SRARP: variants seen among roughly 807,000 people sequenced by gnomAD.
SRARP encodes the protein steroid receptor-associated and regulated protein.
A neutral mutation model predicts 3.6 loss-of-function variants in SRARP; 5 were observed. The ratio of observed to expected loss-of-function variants is 1.39; its 90% CI spans 0.73 to 2.93. The LOEUF is 2.93. SRARP is among the 30% of genes most tolerant of loss of function. SRARP has a pLI of 0.00. For synonymous variants in SRARP, 96 were observed against 91.6 expected, an observed-to-expected ratio of 1.05 and a Z score of -0.27; for missense variants, 215 against 216.7, an observed-to-expected ratio of 0.99 and a Z score of 0.05.
chr1:16,004,302 G>T lies in SRARP; in HGVS notation c.-2G>T, dbSNP rs777134410. Reference sequence around the variant, plus strand: ...GAGCTAGGCAGGCGCCGAAGTAGCCGCATGGCCCCGTCAGAAGACCCCAGG... The same window carrying T: ...GAGCTAGGCAGGCGCCGAAGTAGCCTCATGGCCCCGTCAGAAGACCCCAGG... On this transcript the variant is annotated 5_prime_UTR_variant, in exon 1 of 2. Coordinates refer to ENST00000329454, the MANE Select transcript of SRARP (RefSeq NM_178840.4). 1.9e-5 allele frequency: 30 copies of T among 1,596,418 alleles called. No individual in the cohort carries two copies. The highest frequency in any genetic ancestry group is 4.5e-5 in the East Asian group (2 of 44,214).
intron 1 of SRARP, 29 bp downstream of exon 1, chr1:16,004,414 C>G (rs770147819): frequency 1.3e-5 from 20 of 1,548,284 alleles, no homozygotes; most frequent in Non-Finnish European, 1.7e-5. Context: ...ACCCCAGCCC[C>G]ACAGAAACAC....
chr1:16,006,594 G>T lies in SRARP; in HGVS notation c.*248G>T. 2 of 432,954 alleles carry T rather than the reference G, an allele frequency of 4.6e-6. No homozygotes were observed. Among genetic ancestry groups the T allele is most frequent in the African/African-American group, 2.0e-5 (1 of 50,022 alleles). The allele number at this position is 432,954 out of a possible 1,614,324, so 26.8% of individuals were successfully genotyped here. A position where few individuals can be genotyped will look rare whatever the true frequency, so the allele number is the denominator to read the frequency against. ...GCCAGGCCCTGCAAAGTGCTGGGGAGATACCATGGTTTTCCTGGAGCTGGT... is the reference window on the plus strand; with the variant it reads ...GCCAGGCCCTGCAAAGTGCTGGGGATATACCATGGTTTTCCTGGAGCTGGT... On this transcript the variant is annotated 3_prime_UTR_variant, in exon 2 of 2. Coordinates refer to ENST00000329454, the MANE Select transcript of SRARP (RefSeq NM_178840.4).
chr1:16,004,364 A>T lies in SRARP; in HGVS notation c.61A>T (p.Thr21Ser). 6.2e-7 allele frequency: 1 copy of T among 1,608,344 alleles called. No individual in the cohort carries two copies. Among genetic ancestry groups the T allele is most frequent in the Non-Finnish European group, 8.5e-7 (1 of 1,177,754 alleles). Residue 21 changes from threonine (T) to serine (S), a missense_variant, in exon 1 of 2, where the codon ACA becomes TCA. Thr to Ser is a moderately conservative substitution (Grantham distance 58, BLOSUM62 1). Transcript: ENST00000329454. ...RANLKGTIRE[T>S]GLETSSGGKL... is the part of the protein sequence containing the mutation. ...CAACCTCAAAGGCACCATCCGTGAG[A>T]CAGGCCTGGAGACCAGCTCCGGTAA...
In SRARP at chr1:16,004,751, G is replaced by C. The variant is rs572906664; in HGVS notation, c.82+366G>C. Among the ~76,000 whole-genome samples, 339 of 151,150 alleles carry C rather than the reference G, an allele frequency of 2.2e-3. 2 individuals carry two copies. Among genetic ancestry groups the C allele is most frequent in the South Asian group, 5.5e-3 (26 of 4,754 alleles). On this transcript the variant is annotated intron_variant, in intron 1 of 1. Transcript: ENST00000329454. ...AAAAAAAAAAAAGCAAGACCAGCTG[G>C]GGGTGGGTGGGGGTCTGATGGCAAA...
chr1:16,006,301 C>T lies in SRARP; in HGVS notation c.465C>T (p.Asp155=), dbSNP rs2073128773. The change falls in exon 2 of 2, where the codon GAC becomes GAT. Residue 155 remains aspartate, a synonymous_variant. Coordinates refer to ENST00000329454, the MANE Select transcript of SRARP (RefSeq NM_178840.4). ...CTTCAACTTGGGGAACAGTCAAGGA[C>T]TCACTGAAAGCCCTCTCCTCTTGTG... The part of the protein sequence containing the change: ...VRSSTWGTVK[D]SLKALSSCVC... The T allele has an allele frequency of 6.2e-7, 1 of 1,611,738 alleles. No individual in the cohort carries two copies. The highest frequency in any genetic ancestry group is 8.5e-7 in the Non-Finnish European group (1 of 1,179,568).
At position 16,006,125 on chromosome 1, in the gene SRARP, C is replaced by A. The variant is rs2073126623; in HGVS notation, c.289C>A (p.Pro97Thr). 6.2e-7 allele frequency: 1 copy of A among 1,613,738 alleles called. No individual in the cohort carries two copies. The highest frequency in any genetic ancestry group is 1.3e-5 in the African/African-American group (1 of 74,944). Reference protein sequence around the residue: ...ENWPHLTRVTPMGGGCLAQAR... With the variant: ...ENWPHLTRVTTMGGGCLAQAR... ...CTGGCCCCATCTGACTCGGGTGACC[C>A]CCATGGGTGGGGGATGCCTTGCCCA... Residue 97 changes from proline to threonine, a missense_variant, in exon 2 of 2, where the codon CCC becomes ACC. Transcript: ENST00000329454.
chr1:16,005,870 A>G, intron 1 of SRARP, 49 bp from the exon 2 acceptor site: 1 of 1,475,292 alleles, frequency 6.8e-7, no homozygotes. Context: ...TCAGGGGAAA[A>G]GAAAAGTCCC....
In SRARP at chr1:16,006,368, G is replaced by A. The variant is rs373844097; in HGVS notation, c.*22G>A. ...TTAGCTGGAAGGGCCGGGCTCTGAT[G>A]CCCAGAGGCTGCAATTCCCAGGGCC... On this transcript the variant is annotated 3_prime_UTR_variant, in exon 2 of 2. Coordinates refer to ENST00000329454, the MANE Select transcript of SRARP (RefSeq NM_178840.4). 1.6e-4 allele frequency: 255 copies of A among 1,551,168 alleles called. 1 individual carries two copies. The highest frequency in any genetic ancestry group is 2.0e-4 in the Non-Finnish European group (235 of 1,146,436).
At position 16,006,223 on chromosome 1, in the gene SRARP, C is replaced by T. The variant is rs375090286; in HGVS notation, c.387C>T (p.Pro129=). The change falls in exon 2 of 2, where the codon CCC becomes CCT. Residue 129 remains proline, a synonymous_variant. Transcript: ENST00000329454. ...SASFPVSPLC[P]QEVPEAKGKP... is the part of the protein sequence containing the mutation. ...CCTTCCCAGTCAGCCCGCTCTGCCC[C>T]CAGGAGGTTCCCGAGGCTAAGGGGA... 2 of 1,613,894 alleles carry T rather than the reference C, an allele frequency of 1.2e-6. No individual in the cohort carries two copies. The highest frequency in any genetic ancestry group is 1.1e-5 in the South Asian group (1 of 91,092).
At position 16,007,008 on chromosome 1, in the gene SRARP, A is replaced by T. The variant is rs780151788; in HGVS notation, c.*662A>T. On this transcript the variant is annotated 3_prime_UTR_variant, in exon 2 of 2. Coordinates refer to ENST00000329454, the MANE Select transcript of SRARP (RefSeq NM_178840.4). ...AAGGCAGGGGATACCACGTGGGGAGACTCGAGGGCCATGCCAGTTGGGGCT... is the reference window on the plus strand; with the variant it reads ...AAGGCAGGGGATACCACGTGGGGAGTCTCGAGGGCCATGCCAGTTGGGGCT... The T allele has an allele frequency of 2.6e-5, 4 of 151,584 alleles. No individual in the cohort carries two copies. The highest frequency in any genetic ancestry group is 1.3e-4 in the Admixed American group (2 of 15,226). 9.4% of individuals were successfully genotyped at this position (151,584 alleles called of 1,614,324 possible). A position where few individuals can be genotyped will look rare whatever the true frequency, so the allele number is the denominator to read the frequency against.
chr1:16,007,333 G>C lies in SRARP; in HGVS notation c.*987G>C, dbSNP rs531309655. On this transcript the variant is annotated 3_prime_UTR_variant, in exon 2 of 2. Coordinates refer to ENST00000329454, the MANE Select transcript of SRARP (RefSeq NM_178840.4). ...GAGCAGGAGGTGGAGTTACTGGTGT[G>C]GGTGTGAAGGTGTCTGTGAGTCTAA... 6.6e-6 allele frequency: 1 copy of C among 152,076 alleles called. No homozygotes were observed. Among genetic ancestry groups the C allele is most frequent in the Admixed American group, 6.5e-5 (1 of 15,290 alleles). The allele number at this position is 152,076 out of a possible 1,614,324, so 9.4% of individuals were successfully genotyped here. A position where few individuals can be genotyped will look rare whatever the true frequency, so the allele number is the denominator to read the frequency against.
rs1557432752 is a variant in SRARP, at chr1:16,005,989, C to T, written c.153C>T (p.His51=). 25 of 1,612,914 alleles carry T rather than the reference C, an allele frequency of 1.5e-5. No homozygotes were observed. The Middle Eastern group carries it at 4.9e-4, about 32-fold the overall frequency. ...AHLTFVIDCT[H]GKQLSLAATA... Reference sequence around the variant, plus strand: ...TGACTTTTGTTATTGACTGCACCCACGGGAAGCAGCTCTCCCTGGCAGCAA... The same window carrying T: ...TGACTTTTGTTATTGACTGCACCCATGGGAAGCAGCTCTCCCTGGCAGCAA... The change falls in exon 2 of 2, where the codon CAC becomes CAT. Residue 51 remains histidine, a synonymous_variant. Transcript: ENST00000329454.
rs1763611 is a variant in SRARP, at chr1:16,007,074, T to G, written c.*728T>G. 0.9 allele frequency: 136,229 copies of G among 152,210 alleles called. 61,111 individuals are homozygous for G. Among genetic ancestry groups the G allele is most frequent in the East Asian group, 0.98 (5,077 of 5,174 alleles). 9.4% of individuals were successfully genotyped at this position (152,210 alleles called of 1,614,324 possible). On this transcript the variant is annotated 3_prime_UTR_variant, in exon 2 of 2. Coordinates refer to ENST00000329454, the MANE Select transcript of SRARP (RefSeq NM_178840.4). ...GTTGGCTCCAGGAGACTCCATCCCA[T>G]AAGGCAGCCCAGGTGGGACCTGGGG...
chr1:16,007,290 A>G lies in SRARP; in HGVS notation c.*944A>G, dbSNP rs1161907097. On this transcript the variant is annotated 3_prime_UTR_variant, in exon 2 of 2. Transcript: ENST00000329454. ...GGTGGGGGGAGGAGGTTCACCCCTC[A>G]GGGCAATCGTGTTCCCTGAGCAGGA... is the stretch of plus-strand genomic sequence containing the variant. 2 of 150,394 alleles carry G rather than the reference A, an allele frequency of 1.3e-5. No homozygotes were observed. The highest frequency in any genetic ancestry group is 3.9e-4 in the East Asian group (2 of 5,144). 9.3% of individuals were successfully genotyped at this position (150,394 alleles called of 1,614,324 possible). A position where few individuals can be genotyped will look rare whatever the true frequency, so the allele number is the denominator to read the frequency against.
rs1276917608 is a variant in SRARP at position 16,006,238 on chromosome 1, G to A, written c.402G>A (p.Glu134=). Residue 134 remains glutamate (E), a synonymous_variant, in exon 2 of 2, where the codon GAG becomes GAA. Coordinates refer to ENST00000329454, the MANE Select transcript of SRARP (RefSeq NM_178840.4). ...CGCTCTGCCCCCAGGAGGTTCCCGA[G>A]GCTAAGGGGAAACCCGTGAAGGCTG... The part of the protein sequence containing the change: ...VSPLCPQEVP[E]AKGKPVKAAP... The A allele has an allele frequency of 1.2e-6, 2 of 1,613,982 alleles. No individual in the cohort carries two copies. The highest frequency in any genetic ancestry group is 1.7e-6 in the Non-Finnish European group (2 of 1,180,038).
chr1:16,007,369 G>C lies in SRARP; in HGVS notation c.*1023G>C, dbSNP rs1331366685. On this transcript the variant is annotated 3_prime_UTR_variant, in exon 2 of 2. Transcript: ENST00000329454. ...TGTCTGTGAGTCTAAGGCATGCACA[G>C]CACTGTGAGAAACCCTAAAGCAACC... 2.0e-5 allele frequency: 3 copies of C among 152,042 alleles called. No homozygotes were observed. In the East Asian group the frequency reaches 5.8e-4, roughly 29 times the overall value. 9.4% of individuals were successfully genotyped at this position (152,042 alleles called of 1,614,324 possible).
chr1:16,005,765 T>C (rs1026261449), intron 1 of SRARP, among the ~76,000 whole-genome samples, 154 bp from the exon 2 acceptor site: 3 of 152,160 alleles, frequency 2.0e-5, no homozygotes, highest in Non-Finnish European at 2.9e-5. Flanking sequence ...CCCAGCTACT[T>C]AGGGGGCTGA....
chr1:16,005,887 G>A, intron 1 of SRARP, 32 bp from the exon 2 acceptor site: 1 of 1,508,722 alleles, frequency 6.6e-7, no homozygotes, highest in Non-Finnish European at 8.9e-7. Context: ...TCCCCTGCTT[G>A]TGCTAACTTT....
rs1338086446 is a variant in SRARP, at chr1:16,007,940, C to A, written c.*1594C>A. The A allele has an allele frequency of 6.6e-6, 1 of 152,192 alleles. No individual in the cohort carries two copies. The highest frequency in any genetic ancestry group is 6.5e-5 in the Admixed American group (1 of 15,274). The allele number at this position is 152,192 out of a possible 1,614,324, so 9.4% of individuals were successfully genotyped here. ...GACTGGTACCATTGAGATTAGAACT[C>A]AGGCAAGTCTGGTGCCCATATTCTT... On this transcript the variant is annotated 3_prime_UTR_variant, in exon 2 of 2. Transcript: ENST00000329454.
Sources: gnomAD v4.1 joint callset for allele counts (sites outside exome capture counted in the v4.1 genomes callset) on GRCh38, gnomAD v4.1.1 for gene constraint, MANE v1.5 for transcripts, NCBI Gene and HGNC (gene_info 2026-07-23, HGNC 2026-07-21) for gene names.